Variants in ODR4 observed in about 807,000 individuals in gnomAD.
ODR4 encodes the protein protein odr-4 homolog.
In ODR4, 47 loss-of-function variants were observed where a neutral mutation model predicts 60.2. The observed-to-expected ratio is 0.78, with a 90% CI of 0.62 to 1.00. The LOEUF (loss-of-function observed/expected upper bound fraction) is 1.00. ODR4 is among the 50% of genes least tolerant of loss of function. The probability of loss-of-function intolerance (pLI) is 0.00; values close to 1 mark genes in which losing one functional copy is unlikely to be tolerated. For synonymous variants in ODR4, 178 were observed against 175.5 expected (o/e 1.01, Z -0.11); for missense variants, 488 against 530.8 (o/e 0.92, Z 0.79).
chr1:186,434,542 C>T, the ODR4 span, among the ~76,000 whole-genome samples: 10 of 152,062 alleles, frequency 6.6e-5, no homozygotes, highest in African/African-American at 2.4e-4. Flanking sequence ...GTTTAAAAGT[C>T]CTTTCCATTT....
At chr1:186,429,940 G>A in the ODR4 span, among the ~76,000 whole-genome samples, 1 of 152,090 alleles carries the variant, frequency 6.6e-6, no homozygotes, top group Non-Finnish European at 1.5e-5. Context: ...AAATTAATAT[G>A]TTAATAGGTA....
At chr1:186,431,120 A>G in the ODR4 span, among the ~76,000 whole-genome samples, 1 of 152,166 alleles carries the variant, frequency 6.6e-6, no homozygotes, top group Non-Finnish European at 1.5e-5. Context: ...ATAATAGCTC[A>G]GAGGGGGAAG....
At chr1:186,413,262 T>C (rs148755726) in intron 12 of ODR4, among the ~76,000 whole-genome samples, 7 of 152,102 alleles carry the variant, frequency 4.6e-5, no homozygotes, top group African/African-American at 1.7e-4. Flanking sequence ...CAAGTAAGTA[T>C]AATGCAAATA....
rs755157714 is a variant in ODR4, at chr1:186,399,048, T to C, written c.1000+4T>C. 7.5e-6 allele frequency: 12 copies of C among 1,594,892 alleles called. No homozygotes were observed. The highest frequency in any genetic ancestry group is 9.4e-6 in the Non-Finnish European group (11 of 1,165,878). On this transcript the variant is annotated splice_donor_region_variant and intron_variant, in intron 11 of 13. Transcript: ENST00000287859. ...AATGAAATTCCAGAAAAAAAAGTTA[T>C]GAGTATAAAATAAGTACTTTTTTGC... is the stretch of plus-strand genomic sequence containing the variant.
chr1:186,434,664 CTTTA>C, the ODR4 span, among the ~76,000 whole-genome samples: 1 of 152,158 alleles, frequency 6.6e-6, no homozygotes, highest in Non-Finnish European at 1.5e-5. Context: ...AAAATGACAT[CTTTA>C]TTTATTTTTA....
chr1:186,385,844 T>G (rs1019951436), intron 3 of ODR4, 144 bp from the exon 4 acceptor site: 4 of 562,304 alleles, frequency 7.1e-6, no homozygotes, highest in Admixed American at 3.7e-5. Context: ...TTGATGTAGC[T>G]AAAGGATGTT....
rs759425432 is a variant in ODR4 at position 186,383,153 on chromosome 1, C to T, written c.231C>T (p.Cys77=). 4 of 1,542,350 alleles carry T rather than the reference C, an allele frequency of 2.6e-6. No individual in the cohort carries two copies. The South Asian group carries it at 3.7e-5, about 14-fold the overall frequency. The stretch of plus-strand genomic sequence containing the variant: ...AAGAATGGGCCACAGAACATGCCTG[C>T]CAGGTTATCTTATTTTTTTGTTTAT... ...LDEEWATEHA[C]QVSRMLPGGL... Residue 77 remains cysteine, a synonymous_variant, in exon 3 of 14, where the codon TGC becomes TGT. Transcript: ENST00000287859.
intron 2 of ODR4, among the ~76,000 whole-genome samples, chr1:186,381,213 T>TA: frequency 6.6e-6 from 1 of 152,342 alleles, no homozygotes; most frequent in East Asian, 1.9e-4. Flanking sequence ...TCAGTAGAGA[T>TA]AAAAAGTCAG....
intron 11 of ODR4, 162 bp downstream of exon 11, chr1:186,399,206 AT>A (rs532098710): frequency 0.17 from 82,805 of 488,380 alleles, 1 homozygote; most frequent in South Asian, 0.21. Flanking sequence ...TGCTACTCAG[AT>A]TTTTTTTTTT....
chr1:186,427,835 A>T, the ODR4 span, among the ~76,000 whole-genome samples: 295 of 152,346 alleles, frequency 1.9e-3, 9 homozygotes, highest in East Asian at 0.042. Flanking sequence ...TAGGTATGAA[A>T]CAAACGTTAA....
intron 12 of ODR4, among the ~76,000 whole-genome samples, chr1:186,413,655 TA>T (rs1270987761): frequency 6.6e-6 from 1 of 152,194 alleles, no homozygotes; most frequent in Non-Finnish European, 1.5e-5. Flanking sequence ...GAGCTGAGAT[TA>T]ATTTTTGTCA....
chr1:186,381,099 G>T (rs962136727), intron 2 of ODR4, among the ~76,000 whole-genome samples: 7 of 152,202 alleles, frequency 4.6e-5, no homozygotes, highest in Non-Finnish European at 1.0e-4. Context: ...TTTTAATTCA[G>T]TTGTAATGTG....
At chr1:186,389,303 G>A (rs1660366909) in intron 5 of ODR4, among the ~76,000 whole-genome samples, 4 of 152,148 alleles carry the variant, frequency 2.6e-5, no homozygotes, top group Admixed American at 1.3e-4. Flanking sequence ...AGAATCTCAC[G>A]AGTGCTTTGA....
At chr1:186,388,659 G>T (rs1304373729) in intron 5 of ODR4, 111 bp downstream of exon 5, 1 of 581,382 alleles carries the variant, frequency 1.7e-6, no homozygotes, top group Admixed American at 4.0e-5. Context: ...GCATAGTTTT[G>T]TAAGATTTTT....
chr1:186,428,469 G>A, the ODR4 span, among the ~76,000 whole-genome samples: 4 of 152,170 alleles, frequency 2.6e-5, no homozygotes, highest in Non-Finnish European at 5.9e-5. Context: ...GGAATGTTGT[G>A]GCTGGTTTGA....
At chr1:186,395,239 C>T (rs1411289087) in intron 9 of ODR4, among the ~76,000 whole-genome samples, 2 of 150,794 alleles carry the variant, frequency 1.3e-5, no homozygotes, top group South Asian at 2.1e-4. Flanking sequence ...GGACTACAGG[C>T]GCCTGCCACC....
At chr1:186,384,959 C>G (rs1660197689) in intron 3 of ODR4, among the ~76,000 whole-genome samples, 3 of 152,000 alleles carry the variant, frequency 2.0e-5, no homozygotes, top group Admixed American at 1.3e-4. Context: ...ACTCTAATCT[C>G]TGAGTGTAGA....
chr1:186,425,204 A>G (rs1202902496), downstream of ODR4, among the ~76,000 whole-genome samples: 1 of 152,146 alleles, frequency 6.6e-6, no homozygotes, highest in African/African-American at 2.4e-5. Context: ...AGTTTCAGTA[A>G]CATATGAGGC....
downstream of ODR4, among the ~76,000 whole-genome samples, chr1:186,425,619 A>AC: frequency 6.6e-6 from 1 of 152,266 alleles, no homozygotes; most frequent in Middle Eastern, 3.4e-3. Context: ...ACCCTTAACT[A>AC]CCTTAGATAC....
Sources: allele counts gnomAD v4.1 joint callset (sites outside exome capture counted in the v4.1 genomes callset), GRCh38; gene constraint gnomAD v4.1.1; transcripts MANE v1.5; gene names NCBI Gene and HGNC (gene_info 2026-07-23, HGNC 2026-07-21).